Variants in ZNF521 observed in about 807,000 individuals in gnomAD.
ZNF521 encodes zinc finger protein 521.
Under a neutral mutation model 105.5 loss-of-function variants are expected in ZNF521, and 14 were observed. That is an observed-to-expected ratio of 0.13 (90% confidence interval 0.09 to 0.21). The LOEUF (loss-of-function observed/expected upper bound fraction) is 0.21, where lower values mean the gene tolerates loss of function less well. ZNF521 is among the 10% of genes least tolerant of loss of function. ZNF521 has a pLI of 1.00. For synonymous variants in ZNF521, 635 were observed against 606.0 expected (o/e 1.05, Z -0.70); for missense variants, 1,233 against 1,629.7 (o/e 0.76, Z 4.19).
chr18:25,080,664 T>C (rs2033473948), intron 7 of ZNF521, among the ~76,000 whole-genome samples: 1 of 152,214 alleles, frequency 6.6e-6, no homozygotes, highest in African/African-American at 2.4e-5. Context: ...CTGGAATGGA[T>C]TCTTTGCTCG....
chr18:25,318,037 T>C (rs1257095909), intron 3 of ZNF521, among the ~76,000 whole-genome samples: 1 of 152,164 alleles, frequency 6.6e-6, no homozygotes, highest in African/African-American at 2.4e-5. Context: ...TTATGAACTT[T>C]ATTCATAATA....
At chr18:25,347,588 G>A (rs1914518735) in intron 2 of ZNF521, among the ~76,000 whole-genome samples, 1 of 152,160 alleles carries the variant, frequency 6.6e-6, no homozygotes, top group African/African-American at 2.4e-5. Flanking sequence ...CTCAGGAGAT[G>A]GATTCTTAGG....
At chr18:25,216,993 T>C (rs756565951) in intron 4 of ZNF521, among the ~76,000 whole-genome samples, 2 of 151,570 alleles carry the variant, frequency 1.3e-5, no homozygotes, top group Non-Finnish European at 2.9e-5. Context: ...GCAGCTCAGG[T>C]GATAAAGTGG....
intron 3 of ZNF521, among the ~76,000 whole-genome samples, chr18:25,292,494 ATGAC>A (rs1911087378): frequency 6.6e-6 from 1 of 152,154 alleles, no homozygotes. Flanking sequence ...TTGTAACATC[ATGAC>A]TAACTGTGTT....
chr18:25,088,104 C>G (rs183951450), intron 7 of ZNF521, among the ~76,000 whole-genome samples: 117 of 152,264 alleles, frequency 7.7e-4, no homozygotes, highest in African/African-American at 2.7e-3. Context: ...CAGATCAGCT[C>G]TTTCATTTGG....
chr18:25,212,570 T>C (rs2036212127), intron 4 of ZNF521, among the ~76,000 whole-genome samples: 1 of 116,400 alleles, frequency 8.6e-6, no homozygotes, highest in African/African-American at 3.3e-5. Flanking sequence ...TATATATGTA[T>C]AGAAACATAT....
rs558187347 is a variant in ZNF521 at position 25,243,878 on chromosome 18, G to T, written c.221-16181C>A. The stretch of plus-strand genomic sequence containing the variant: ...GACTTGATGTTTTTTGGGGGGAGGG[G>T]TTTTCTCAATACCAAAATACTTAGA... On this transcript the variant is annotated intron_variant, in intron 3 of 7. Transcript: ENST00000361524. 1.8e-4 allele frequency among the ~76,000 whole-genome samples: 28 copies of T among 152,148 alleles called. 2 individuals carry two copies. In the South Asian group the frequency reaches 5.8e-3, roughly 32 times the overall value.
At chr18:25,125,534 T>C (rs1017434255) in intron 5 of ZNF521, among the ~76,000 whole-genome samples, 2 of 152,000 alleles carry the variant, frequency 1.3e-5, no homozygotes, top group Non-Finnish European at 2.9e-5. Flanking sequence ...TATGTGTGTG[T>C]GTATGTTGTG....
At chr18:25,298,553 T>C (rs1048809688) in intron 3 of ZNF521, among the ~76,000 whole-genome samples, 4 of 152,180 alleles carry the variant, frequency 2.6e-5, no homozygotes, top group East Asian at 3.9e-4. Flanking sequence ...CCTAGGACTT[T>C]TGTTCGCCCT....
intron 3 of ZNF521, among the ~76,000 whole-genome samples, chr18:25,303,340 A>C (rs1286824133): frequency 6.7e-6 from 1 of 148,526 alleles, no homozygotes; most frequent in Non-Finnish European, 1.5e-5. Flanking sequence ...CTCTGTCACC[A>C]AGGCTGGAGC....
chr18:25,139,014 A>C (rs2034791173), intron 5 of ZNF521, among the ~76,000 whole-genome samples: 1 of 152,186 alleles, frequency 6.6e-6, no homozygotes, highest in Admixed American at 6.5e-5. Flanking sequence ...TTCTATATCA[A>C]GAAGAATCTA....
chr18:25,174,136 C>T (rs2035495123), intron 5 of ZNF521, among the ~76,000 whole-genome samples: 1 of 152,032 alleles, frequency 6.6e-6, no homozygotes. Context: ...AATAAGAATG[C>T]TTACTTATAT....
chr18:25,312,817 C>CA (rs11343299), intron 3 of ZNF521, among the ~76,000 whole-genome samples: 664 of 15,824 alleles, frequency 0.042, 66 homozygotes, highest in Non-Finnish European at 0.063. Flanking sequence ...GACTCCGTCT[C>CA]AAAAAAAAAA....
At chr18:25,076,358 A>G (rs1409675156) in intron 7 of ZNF521, among the ~76,000 whole-genome samples, 1 of 152,240 alleles carries the variant, frequency 6.6e-6, no homozygotes, top group African/African-American at 2.4e-5. Context: ...CAGGGTGCTC[A>G]GACCAGGCTG....
intron 3 of ZNF521, among the ~76,000 whole-genome samples, chr18:25,232,338 C>T (rs1433992841): frequency 6.6e-6 from 1 of 152,166 alleles, no homozygotes; most frequent in Non-Finnish European, 1.5e-5. Context: ...TCTAGGGCAC[C>T]TTATCATGGC....
At chr18:25,137,334 A>G (rs1451664035) in intron 5 of ZNF521, among the ~76,000 whole-genome samples, 4 of 152,146 alleles carry the variant, frequency 2.6e-5, no homozygotes, top group East Asian at 1.9e-4. Context: ...CCTGCCCCAC[A>G]GTATCACCTC....
At chr18:25,334,825 G>T (rs923224675) in intron 2 of ZNF521, among the ~76,000 whole-genome samples, 20 of 152,170 alleles carry the variant, frequency 1.3e-4, no homozygotes, top group African/African-American at 4.8e-4. Flanking sequence ...GCTTCCCAGA[G>T]AACTTCATCC....
At chr18:25,267,962 G>A (rs1041184740) in intron 3 of ZNF521, among the ~76,000 whole-genome samples, 6 of 152,116 alleles carry the variant, frequency 3.9e-5, no homozygotes, top group Non-Finnish European at 5.9e-5. Context: ...GGCTTCAGAA[G>A]GTCAGTAATA....
chr18:25,204,963 C>T (rs962475196), intron 4 of ZNF521, among the ~76,000 whole-genome samples: 3 of 151,922 alleles, frequency 2.0e-5, no homozygotes, highest in African/African-American at 7.2e-5. Flanking sequence ...ATTTTGTTTA[C>T]TGACTGTTGA....
Sources: gnomAD v4.1 joint callset for allele counts (sites outside exome capture counted in the v4.1 genomes callset) on GRCh38, gnomAD v4.1.1 for gene constraint, MANE v1.5 for transcripts, NCBI Gene and HGNC (gene_info 2026-07-23, HGNC 2026-07-21) for gene names.